Variants in SLC14A2 observed in about 807,000 individuals in gnomAD.
SLC14A2 encodes urea transporter 2.
A neutral mutation model predicts 104.6 loss-of-function variants in SLC14A2; 91 were observed. The observed-to-expected ratio is 0.87, with a 90% confidence interval of 0.73 to 1.04. The LOEUF is 1.04. Ranked by LOEUF, SLC14A2 falls within the 50% of genes least tolerant of loss-of-function variation. SLC14A2 has a pLI of 0.00. For synonymous variants in SLC14A2, 476 were observed against 466.4 expected (o/e 1.02, Z -0.27); for missense variants, 1,189 against 1,156.0 (o/e 1.03, Z -0.41).
chr18:45,571,463 G>A (rs1259188958), intron 2 of SLC14A2, among the ~76,000 whole-genome samples: 4 of 152,224 alleles, frequency 2.6e-5, no homozygotes, highest in Non-Finnish European at 4.4e-5. Context: ...TGAGCCGGCT[G>A]GCCCTTTTCA....
chr18:45,491,616 T>G (rs907746667), intron 2 of SLC14A2, among the ~76,000 whole-genome samples: 1 of 152,190 alleles, frequency 6.6e-6, no homozygotes, highest in Non-Finnish European at 1.5e-5. Context: ...GTGTTTAATA[T>G]AGTAAACAAT....
intron 1 of SLC14A2, among the ~76,000 whole-genome samples, chr18:45,336,119 T>G (rs907192309): frequency 7.2e-5 from 11 of 152,184 alleles, no homozygotes; most frequent in African/African-American, 2.4e-4. Flanking sequence ...GCCTGCCAGC[T>G]TTTGCTTTGA....
chr18:45,420,227 C>T (rs548476041), intron 1 of SLC14A2, among the ~76,000 whole-genome samples: 3 of 152,334 alleles, frequency 2.0e-5, no homozygotes, highest in South Asian at 4.1e-4. Context: ...CACAGGGTTG[C>T]TTGAGTGGCC....
At chr18:45,299,128 A>G (rs1169218921) in intron 1 of SLC14A2, among the ~76,000 whole-genome samples, 6 of 152,254 alleles carry the variant, frequency 3.9e-5, no homozygotes, top group African/African-American at 1.4e-4. Flanking sequence ...GGCAATGTTC[A>G]CCGGAAGATA....
At chr18:45,237,931 G>T (rs1282870687) in intron 1 of SLC14A2, among the ~76,000 whole-genome samples, 1 of 152,154 alleles carries the variant, frequency 6.6e-6, no homozygotes, top group East Asian at 1.9e-4. Flanking sequence ...GCTTTTAAAT[G>T]TGCTCTGTTG....
At chr18:45,179,669 C>T in the SLC14A2 span, among the ~76,000 whole-genome samples, 35 of 152,098 alleles carry the variant, frequency 2.3e-4, no homozygotes, top group African/African-American at 7.2e-4. Context: ...AGAATATTCT[C>T]CAGGTGAACT....
At chr18:45,508,555 A>G (rs1184411857) in intron 2 of SLC14A2, among the ~76,000 whole-genome samples, 1 of 152,202 alleles carries the variant, frequency 6.6e-6, no homozygotes, top group Non-Finnish European at 1.5e-5. Flanking sequence ...TGTTATGTAA[A>G]TTGCCCAGTC....
At chr18:45,583,744 GA>G (rs113450666) in intron 2 of SLC14A2, among the ~76,000 whole-genome samples, 1 of 148,554 alleles carries the variant, frequency 6.7e-6, no homozygotes, top group Admixed American at 6.7e-5. Context: ...GCCAGCTCTT[GA>G]AAAAAAAACA....
At chr18:45,220,761 A>G (rs2084053757) in intron 1 of SLC14A2, among the ~76,000 whole-genome samples, 1 of 152,242 alleles carries the variant, frequency 6.6e-6, no homozygotes. Flanking sequence ...GCCATAACAA[A>G]GTACCATAGA....
intron 1 of SLC14A2, among the ~76,000 whole-genome samples, chr18:45,370,496 A>G (rs2085711257): frequency 6.6e-6 from 1 of 152,230 alleles, no homozygotes; most frequent in African/African-American, 2.4e-5. Context: ...CATATTCAAA[A>G]GAACTTCTCT....
At chr18:45,235,962 TATATAC>T (rs1234551225) in intron 1 of SLC14A2, among the ~76,000 whole-genome samples, 1 of 99,878 alleles carries the variant, frequency 1.0e-5, no homozygotes, top group African/African-American at 4.5e-5. Context: ...TATATATGTA[TATATAC>T]ATATATGTGT....
intron 1 of SLC14A2, among the ~76,000 whole-genome samples, chr18:45,233,166 G>T (rs2084191813): frequency 6.6e-6 from 1 of 152,168 alleles, no homozygotes; most frequent in Non-Finnish European, 1.5e-5. Flanking sequence ...GTGGTAGTGA[G>T]TTCCTGTTGC....
chr18:45,421,389 A>G (rs952202877), intron 1 of SLC14A2, among the ~76,000 whole-genome samples: 2 of 152,124 alleles, frequency 1.3e-5, no homozygotes, highest in Admixed American at 1.3e-4. Context: ...AATTATAACT[A>G]CAACCAGCAT....
chr18:45,549,604 C>T (rs941490573), intron 2 of SLC14A2, among the ~76,000 whole-genome samples: 3 of 152,222 alleles, frequency 2.0e-5, no homozygotes, highest in Admixed American at 6.5e-5. Context: ...GAGCAAATGC[C>T]GCCTTATGTG....
chr18:45,512,726 G>T (rs148432500), intron 2 of SLC14A2, among the ~76,000 whole-genome samples: 3 of 152,258 alleles, frequency 2.0e-5, no homozygotes, highest in African/African-American at 7.2e-5. Flanking sequence ...AGTCTGGTGA[G>T]GGCACAAGAT....
At chr18:45,630,806 G>A (rs1032075030) in intron 4 of SLC14A2, among the ~76,000 whole-genome samples, 1 of 152,142 alleles carries the variant, frequency 6.6e-6, no homozygotes, top group African/African-American at 2.4e-5. Flanking sequence ...GTCTCCAGCT[G>A]CCCCCATATC....
chr18:45,186,363 T>A, the SLC14A2 span, among the ~76,000 whole-genome samples: 55,309 of 152,152 alleles, frequency 0.36, 11,186 homozygotes, highest in Non-Finnish European at 0.47. Context: ...GGGAAAGGAT[T>A]GGCTTTTTTT....
At chr18:45,278,776 C>T (rs920702843) in intron 1 of SLC14A2, among the ~76,000 whole-genome samples, 6 of 152,298 alleles carry the variant, frequency 3.9e-5, no homozygotes, top group African/African-American at 1.2e-4. Context: ...TGAACCTGCA[C>T]AGTTCAAACC....
chr18:45,244,034 C>G (rs982919424), intron 1 of SLC14A2, among the ~76,000 whole-genome samples: 1 of 152,126 alleles, frequency 6.6e-6, no homozygotes, highest in African/African-American at 2.4e-5. Flanking sequence ...CCAGCGTACT[C>G]ATTCATGGGA....
Sources: gnomAD v4.1 joint callset for allele counts (sites outside exome capture counted in the v4.1 genomes callset) on GRCh38, gnomAD v4.1.1 for gene constraint, MANE v1.5 for transcripts, NCBI Gene and HGNC (gene_info 2026-07-23, HGNC 2026-07-21) for gene names.